Variants in TMEM114 observed in about 807,000 individuals in gnomAD.
The protein encoded by TMEM114 is transmembrane protein 114, also known as claudin-26.
Under a neutral mutation model 6.2 loss-of-function variants are expected in TMEM114, and 6 were observed. The observed-to-expected ratio is 0.97, with a 90% confidence interval of 0.53 to 1.91. The LOEUF (loss-of-function observed/expected upper bound fraction) is 1.91, where lower values mean the gene tolerates loss of function less well. Among genes scored for constraint, TMEM114 ranks in the 40% most tolerant of loss-of-function variants. The probability of loss-of-function intolerance (pLI) is 0.01; values close to 1 mark genes in which losing one functional copy is unlikely to be tolerated. For missense variants in TMEM114, 218 were observed against 158.3 expected, an observed-to-expected ratio of 1.38 and a Z score of -2.02; for synonymous variants, 104 against 73.0, an observed-to-expected ratio of 1.42 and a Z score of -2.16.
At chr16:8,558,220 C>G (rs1901077832) in intron 2 of TMEM114, among the ~76,000 whole-genome samples, 1 of 152,150 alleles carries the variant, frequency 6.6e-6, no homozygotes, top group Non-Finnish European at 1.5e-5. Flanking sequence ...TTCACTCCAG[C>G]CTAGGCAACA....
downstream of TMEM114, among the ~76,000 whole-genome samples, chr16:8,567,702 T>G (rs1901590147): frequency 6.6e-6 from 1 of 152,156 alleles, no homozygotes; most frequent in Non-Finnish European, 1.5e-5. Context: ...AGCTGAGAAC[T>G]CTGGCCCTGC....
intron 2 of TMEM114, among the ~76,000 whole-genome samples, chr16:8,556,108 T>A (rs982989317): frequency 1.3e-5 from 2 of 152,344 alleles, no homozygotes; most frequent in African/African-American, 4.8e-5. Context: ...CCCGGTCTCT[T>A]CTTCCTGCAT....
chr16:8,573,423 C>T (rs1428931918), intron 2 of TMEM114, among the ~76,000 whole-genome samples: 1 of 152,074 alleles, frequency 6.6e-6, no homozygotes, highest in African/African-American at 2.4e-5. Flanking sequence ...GTAAAATCAG[C>T]AAGTGGAAAA....
intron 2 of TMEM114, among the ~76,000 whole-genome samples, chr16:8,540,635 C>G (rs1206861643): frequency 6.7e-6 from 1 of 150,166 alleles, no homozygotes; most frequent in Non-Finnish European, 1.5e-5. Flanking sequence ...ATTCACTGAA[C>G]CAATTTTTAT....
At chr16:8,549,915 G>T (rs900010693) in intron 2 of TMEM114, among the ~76,000 whole-genome samples, 1 of 152,294 alleles carries the variant, frequency 6.6e-6, no homozygotes, top group African/African-American at 2.4e-5. Context: ...AAGCTGAGGG[G>T]TAAGGAAGCC....
At chr16:8,564,507 A>G (rs11866035), downstream of TMEM114, among the ~76,000 whole-genome samples, 91 of 7,570 alleles carry the variant, frequency 0.012, 1 homozygote, top group Non-Finnish European at 0.016. Flanking sequence ...ATGAGTGAGT[A>G]AATGAGTGAG....
rs184265214 is a variant in TMEM114 at position 8,555,579 on chromosome 16, C to T, written n.213-17753G>A. ...CTGGTAGATGCGTCTTTTGGTTCCTCGTCCCAGCTTCCACCAGTCTTCAAT... is the reference window on the plus strand; with the variant it reads ...CTGGTAGATGCGTCTTTTGGTTCCTTGTCCCAGCTTCCACCAGTCTTCAAT... On this transcript the variant is annotated intron_variant and non_coding_transcript_variant, in intron 2 of 2. Coordinates refer to the TMEM114 transcript ENST00000623677. Among the ~76,000 whole-genome samples, 3 of 152,280 alleles carry T rather than the reference C, an allele frequency of 2.0e-5. No homozygotes were observed. In the East Asian group the frequency reaches 5.8e-4, roughly 29 times the overall value.
chr16:8,584,851 G>A (rs895648375), intron 2 of TMEM114, among the ~76,000 whole-genome samples: 13 of 151,330 alleles, frequency 8.6e-5, no homozygotes, highest in Non-Finnish European at 1.9e-4. Flanking sequence ...AAATCCAGGA[G>A]GCGGAGGTTG....
At chr16:8,544,128 C>T (rs1900592792) in intron 2 of TMEM114, among the ~76,000 whole-genome samples, 1 of 152,164 alleles carries the variant, frequency 6.6e-6, no homozygotes, top group Admixed American at 6.5e-5. Flanking sequence ...TTTTTGTTTT[C>T]TGTTTCCCAT....
the TMEM114 span, among the ~76,000 whole-genome samples, chr16:8,528,551 G>C: frequency 6.6e-6 from 1 of 152,140 alleles, no homozygotes; most frequent in Non-Finnish European, 1.5e-5. Flanking sequence ...TCACCAAGAG[G>C]AGCGCAACAG....
chr16:8,562,552 GTGCGTCAA>G (rs373404123), intron 2 of TMEM114, among the ~76,000 whole-genome samples: 1 of 86,338 alleles, frequency 1.2e-5, no homozygotes, highest in Non-Finnish European at 2.6e-5. Context: ...GAATGAGTGA[GTGCGTCAA>G]TGAGTGAGTG....
intron 2 of TMEM114, among the ~76,000 whole-genome samples, chr16:8,549,367 G>A (rs983634230): frequency 6.6e-6 from 1 of 151,756 alleles, no homozygotes; most frequent in Non-Finnish European, 1.5e-5. Flanking sequence ...CGAAGTGGTG[G>A]TGGGCACCTG....
chr16:8,543,525 G>A (rs908981987), intron 2 of TMEM114, among the ~76,000 whole-genome samples: 1 of 151,946 alleles, frequency 6.6e-6, no homozygotes, highest in Non-Finnish European at 1.5e-5. Flanking sequence ...TGCACTTGAT[G>A]TTCTATCTAC....
At chr16:8,530,691 G>C in the TMEM114 span, among the ~76,000 whole-genome samples, 1 of 151,870 alleles carries the variant, frequency 6.6e-6, no homozygotes, top group African/African-American at 2.4e-5. Flanking sequence ...GAGGAGGATG[G>C]GAGGGAGAGA....
Position 8,578,862 on chromosome 16 carries a change from C to T in TMEM114, c.302-6638G>A, listed in dbSNP as rs557697901. On this transcript the variant is annotated intron_variant, in intron 2 of 3. Coordinates refer to ENST00000620492, the MANE Select transcript of TMEM114 (RefSeq NM_001146336.2). ...GGCTTGGTGGCACAGGCCTCTAATC[C>T]CTGCTACTTGGGAGGCTGAGGCAGG... Among the ~76,000 whole-genome samples the T allele has an allele frequency of 2.0e-5, 3 of 152,222 alleles. No individual in the cohort carries two copies. In the South Asian group the frequency reaches 6.2e-4, roughly 32 times the overall value.
intron 2 of TMEM114, among the ~76,000 whole-genome samples, chr16:8,577,696 G>C (rs2141692152): frequency 6.6e-6 from 1 of 151,768 alleles, no homozygotes; most frequent in Admixed American, 6.6e-5. Flanking sequence ...CAATTCTCCT[G>C]TCTCAGCCTC....
intron 2 of TMEM114, among the ~76,000 whole-genome samples, chr16:8,563,799 G>A (rs1273662840): frequency 1.0e-4 from 15 of 148,042 alleles, no homozygotes; most frequent in African/African-American, 3.9e-4. Flanking sequence ...GTAAATGAGT[G>A]AGGGAGGGAG....
At chr16:8,537,321 T>C (rs1900389925), downstream of TMEM114, among the ~76,000 whole-genome samples, 1 of 152,032 alleles carries the variant, frequency 6.6e-6, no homozygotes, top group African/African-American at 2.4e-5. Context: ...GCCAACATCA[T>C]GAAACCCCGT....
intron 2 of TMEM114, among the ~76,000 whole-genome samples, chr16:8,550,064 A>G (rs1341358804): frequency 2.6e-5 from 4 of 152,186 alleles, no homozygotes; most frequent in African/African-American, 9.7e-5. Context: ...AAGAACTTGG[A>G]ATCTGATGTT....
Sources: gnomAD v4.1 joint callset for allele counts (sites outside exome capture counted in the v4.1 genomes callset) on GRCh38, gnomAD v4.1.1 for gene constraint, MANE v1.5 for transcripts, NCBI Gene and HGNC (gene_info 2026-07-23, HGNC 2026-07-21) for gene names.